The following MIA2 variants were observed in gnomAD, a reference collection of about 807,000 sequenced individuals.
The protein encoded by MIA2 is MIA SH3 domain ER export factor 2.
Under a neutral mutation model 167.8 loss-of-function variants are expected in MIA2, and 127 were observed. The ratio of observed to expected loss-of-function variants is 0.76; its 90% CI spans 0.66 to 0.88. MIA2 has a LOEUF of 0.88. Among genes scored for constraint, MIA2 ranks in the 40% least tolerant of loss-of-function variants. MIA2 has a pLI of 0.00. For synonymous variants in MIA2, 552 were observed against 541.9 expected (o/e 1.02, Z -0.26); for missense variants, 1,690 against 1,624.7 (o/e 1.04, Z -0.69).
chr14:39,373,445 TAAAAG>T (rs755090172), intron 23 of MIA2, among the ~76,000 whole-genome samples: 4 of 150,418 alleles, frequency 2.7e-5, no homozygotes, highest in Non-Finnish European at 4.5e-5. Flanking sequence ...ATTTGAAAGA[TAAAAG>T]AATAAAAGCC....
chr14:39,271,094 C>T (rs574501358), intron 6 of MIA2, among the ~76,000 whole-genome samples: 7 of 152,244 alleles, frequency 4.6e-5, no homozygotes, highest in African/African-American at 9.6e-5. Flanking sequence ...TTAGCTCTTA[C>T]GGGAAGTTCT....
chr14:39,334,918 C>T lies in MIA2; in HGVS notation c.3655+7896C>T, dbSNP rs534793838. On this transcript the variant is annotated intron_variant, in intron 25 of 28. Transcript: ENST00000640607. ...TATTACTTTTTTGTGTAACCTTGAG[C>T]AATAAATTTTACCTGTCATGGTTTT... Among the ~76,000 whole-genome samples the T allele has an allele frequency of 3.3e-5, 5 of 151,998 alleles. No individual in the cohort carries two copies. In the South Asian group the frequency reaches 1.0e-3, roughly 32 times the overall value.
intron 9 of MIA2, among the ~76,000 whole-genome samples, chr14:39,282,485 C>T (rs1379032925): frequency 1.3e-5 from 2 of 152,108 alleles, no homozygotes; most frequent in Non-Finnish European, 2.9e-5. Flanking sequence ...ATAATGTACT[C>T]ATATAACAAA....
chr14:39,254,309 G>A (rs2054718614), intron 6 of MIA2, among the ~76,000 whole-genome samples: 2 of 152,292 alleles, frequency 1.3e-5, no homozygotes, highest in East Asian at 1.9e-4. Flanking sequence ...ATTGAACATA[G>A]GCTGAAGTTG....
intron 21 of MIA2, among the ~76,000 whole-genome samples, 168 bp from the exon 22 acceptor site, chr14:39,317,774 TCA>T (rs1373443493): frequency 6.6e-6 from 1 of 152,178 alleles, no homozygotes; most frequent in Admixed American, 6.5e-5. Flanking sequence ...TTCTGATCTT[TCA>T]GAGTCTAAGT....
At chr14:39,325,854 C>G (rs1321242866) in intron 24 of MIA2, among the ~76,000 whole-genome samples, 1 of 152,002 alleles carries the variant, frequency 6.6e-6, no homozygotes, top group Admixed American at 6.6e-5. Context: ...GCTGGGATTA[C>G]AGGCACCTGC....
At chr14:39,312,887 TTG>T (rs35409851) in intron 18 of MIA2, among the ~76,000 whole-genome samples, 129,117 of 150,126 alleles carry the variant, frequency 0.86, 56,056 homozygotes, top group East Asian at 0.94. Flanking sequence ...GTAATTATAA[TTG>T]TGTGTGTGTG....
chr14:39,273,222 C>G (rs1157229543), intron 6 of MIA2, among the ~76,000 whole-genome samples: 1 of 143,604 alleles, frequency 7.0e-6, no homozygotes, highest in Admixed American at 7.1e-5. Context: ...TGTTCCTGAT[C>G]TTAGGAGAAA....
At chr14:39,293,817 A>G (rs960229591) in intron 11 of MIA2, among the ~76,000 whole-genome samples, 183 bp from the exon 12 acceptor site, 2 of 152,230 alleles carry the variant, frequency 1.3e-5, no homozygotes, top group Non-Finnish European at 2.9e-5. Flanking sequence ...GTTATGAGAT[A>G]CTATTGTTAC....
At chr14:39,260,932 C>A (rs2055071134) in intron 6 of MIA2, among the ~76,000 whole-genome samples, 1 of 152,024 alleles carries the variant, frequency 6.6e-6, no homozygotes, top group Admixed American at 6.6e-5. Context: ...ATATTGCTAG[C>A]CAGTTTTCCC....
At chr14:39,347,812 A>G (rs1193862640) in intron 27 of MIA2, 41 bp downstream of exon 27, 2 of 1,236,320 alleles carry the variant, frequency 1.6e-6, no homozygotes, top group Admixed American at 5.2e-5. Context: ...TGTATTCAGA[A>G]GCCTTCTTTT....
intron 14 of MIA2, among the ~76,000 whole-genome samples, chr14:39,301,723 TA>T (rs1367807373): frequency 6.6e-6 from 1 of 152,226 alleles, no homozygotes; most frequent in Non-Finnish European, 1.5e-5. Context: ...TTTCCTTGAA[TA>T]AATCAACTAA....
intron 23 of MIA2, among the ~76,000 whole-genome samples, chr14:39,359,144 C>G (rs567843981): frequency 4.9e-4 from 74 of 152,320 alleles, no homozygotes; most frequent in Admixed American, 1.8e-3. Context: ...TGCCCTGCCC[C>G]CAGAGGTGGA....
rs117727828 is a variant in MIA2, at chr14:39,384,557, G to A, written c.2249-2328G>A. On this transcript the variant is annotated intron_variant, in intron 23 of 23. Transcript: ENST00000341502. ...TTTTATTTAAACGTGTACAGCTGAA[G>A]GAGGGGTCTGATCTTTTGTTAGATG... Among the ~76,000 whole-genome samples, 19 of 152,164 alleles carry A rather than the reference G, an allele frequency of 1.2e-4. No homozygotes were observed. The East Asian group carries it at 3.3e-3, about 26-fold the overall frequency.
At chr14:39,243,474 AAGTC>A (rs2152619172) in intron 3 of MIA2, among the ~76,000 whole-genome samples, 1 of 152,314 alleles carries the variant, frequency 6.6e-6, no homozygotes, top group Admixed American at 6.5e-5. Flanking sequence ...TTCCCTCTGA[AAGTC>A]AGATGAAAAG....
intron 2 of MIA2, among the ~76,000 whole-genome samples, chr14:39,239,651 C>T (rs1235259137): frequency 6.6e-6 from 1 of 152,176 alleles, no homozygotes; most frequent in African/African-American, 2.4e-5. Flanking sequence ...TCTTAGGTGT[C>T]ATAAAAGGCA....
chr14:39,342,948 T>C (rs747315789), intron 25 of MIA2, among the ~76,000 whole-genome samples: 16 of 152,180 alleles, frequency 1.1e-4, no homozygotes, highest in Non-Finnish European at 2.9e-5. Flanking sequence ...TCACCTTAAT[T>C]GTGGTATGGT....
intron 9 of MIA2, among the ~76,000 whole-genome samples, chr14:39,288,432 CATATATATATATATATATATATAT>C (rs759995143): frequency 1.3e-4 from 7 of 52,876 alleles, no homozygotes; most frequent in East Asian, 4.7e-4. Context: ...ATATATTATA[CATATATATATATATATATATATAT>C]ATATATATAT....
intron 6 of MIA2, among the ~76,000 whole-genome samples, chr14:39,265,007 T>C (rs2055377710): frequency 6.6e-6 from 1 of 152,206 alleles, no homozygotes; most frequent in African/African-American, 2.4e-5. Context: ...ATGATAGAGA[T>C]CATGTACTCT....
Sources: gnomAD v4.1 joint callset for allele counts (sites outside exome capture counted in the v4.1 genomes callset) on GRCh38, gnomAD v4.1.1 for gene constraint, MANE v1.5 for transcripts, NCBI Gene and HGNC (gene_info 2026-07-23, HGNC 2026-07-21) for gene names.